ERC2: variants seen among roughly 807,000 people sequenced by gnomAD.
The protein encoded by ERC2 is ELKS/RAB6-interacting/CAST family member 2.
In ERC2, 42 loss-of-function variants were observed where a neutral mutation model predicts 114.8. The observed-to-expected ratio is 0.37, with a 90% CI of 0.29 to 0.47. The LOEUF (loss-of-function observed/expected upper bound fraction) is 0.47. Ranked by LOEUF, ERC2 falls within the 20% of genes least tolerant of loss-of-function variation. ERC2 has a pLI of 0.99. For missense variants in ERC2, 939 were observed against 1,150.7 expected (o/e 0.82, Z 2.66); for synonymous variants, 454 against 425.5 (o/e 1.07, Z -0.82).
At chr3:55,845,997 C>T (rs1409963091) in intron 14 of ERC2, among the ~76,000 whole-genome samples, 1 of 152,196 alleles carries the variant, frequency 6.6e-6, no homozygotes, top group Non-Finnish European at 1.5e-5. Context: ...TTATATCATT[C>T]TTTTTTTAAC....
chr3:56,325,568 T>TA, intron 2 of ERC2, among the ~76,000 whole-genome samples: 1 of 152,264 alleles, frequency 6.6e-6, no homozygotes, highest in Non-Finnish European at 1.5e-5. Flanking sequence ...CTATACATTG[T>TA]AAATGTATCA....
intron 12 of ERC2, among the ~76,000 whole-genome samples, chr3:55,974,441 C>G (rs929817180): frequency 1.3e-5 from 2 of 152,214 alleles, no homozygotes; most frequent in Non-Finnish European, 2.9e-5. Context: ...TATATCAAAA[C>G]AAAGGCCTTC....
intron 16 of ERC2, among the ~76,000 whole-genome samples, chr3:55,693,044 C>G (rs528553931): frequency 6.6e-6 from 1 of 152,170 alleles, no homozygotes; most frequent in Non-Finnish European, 1.5e-5. Flanking sequence ...TCCAATGGTA[C>G]AAACACGCAC....
chr3:56,348,624 T>C (rs890555367), intron 2 of ERC2, among the ~76,000 whole-genome samples: 1 of 151,500 alleles, frequency 6.6e-6, no homozygotes, highest in African/African-American at 2.4e-5. Context: ...ACATTGGTTA[T>C]ATTTTATTGA....
intron 6 of ERC2, among the ~76,000 whole-genome samples, chr3:56,092,139 T>C (rs943135948): frequency 6.6e-6 from 1 of 152,188 alleles, no homozygotes; most frequent in Non-Finnish European, 1.5e-5. Context: ...TATAACCACA[T>C]ATATCATTTA....
chr3:55,595,503 A>G (rs775534264), intron 17 of ERC2, among the ~76,000 whole-genome samples: 2 of 152,206 alleles, frequency 1.3e-5, no homozygotes, highest in African/African-American at 2.4e-5. Flanking sequence ...TTTTCCAAAA[A>G]TCTTTGGCTG....
chr3:56,154,054 G>A (rs2081567630), intron 4 of ERC2, among the ~76,000 whole-genome samples: 2 of 152,082 alleles, frequency 1.3e-5, no homozygotes, highest in African/African-American at 2.4e-5. Flanking sequence ...TACCACAGAG[G>A]CTCTTAACAG....
chr3:55,541,496 G>A (rs2054392292), intron 17 of ERC2, among the ~76,000 whole-genome samples: 1 of 152,200 alleles, frequency 6.6e-6, no homozygotes, highest in Non-Finnish European at 1.5e-5. Flanking sequence ...AAAGCCATTG[G>A]CTTTCCATTG....
At chr3:56,316,404 T>C (rs1337032051) in intron 2 of ERC2, among the ~76,000 whole-genome samples, 1 of 152,194 alleles carries the variant, frequency 6.6e-6, no homozygotes, top group African/African-American at 2.4e-5. Context: ...ACCTTTTAAG[T>C]GGACAGAAAA....
chr3:55,824,963 A>G (rs184620145), intron 14 of ERC2, among the ~76,000 whole-genome samples: 1 of 152,316 alleles, frequency 6.6e-6, no homozygotes, highest in East Asian at 1.9e-4. Flanking sequence ...AGATAAGCCA[A>G]ATAACTCATT....
rs1011167282 is a variant in ERC2, at chr3:56,010,114, C to T, written c.1920+335G>A. Among the ~76,000 whole-genome samples, 12 of 152,086 alleles carry T rather than the reference C, an allele frequency of 7.9e-5. No individual in the cohort carries two copies. In the South Asian group the frequency reaches 1.2e-3, roughly 16 times the overall value. ...GTAGAGCTATTGTTACTATCATCATCGCTGCTGTTGTTATCTCAAGCAAGG... is the reference window on the plus strand; with the variant it reads ...GTAGAGCTATTGTTACTATCATCATTGCTGCTGTTGTTATCTCAAGCAAGG... On this transcript the variant is annotated intron_variant, in intron 9 of 17. Coordinates refer to ENST00000288221, the MANE Select transcript of ERC2 (RefSeq NM_015576.3).
At chr3:55,556,541 T>C (rs2055622262) in intron 17 of ERC2, among the ~76,000 whole-genome samples, 1 of 152,222 alleles carries the variant, frequency 6.6e-6, no homozygotes, top group Non-Finnish European at 1.5e-5. Context: ...CCTGCAGTGA[T>C]TCAATCAAAT....
At chr3:55,686,914 G>A (rs1459123636) in intron 16 of ERC2, among the ~76,000 whole-genome samples, 1 of 152,178 alleles carries the variant, frequency 6.6e-6, no homozygotes, top group African/African-American at 2.4e-5. Context: ...TTCATCTGGG[G>A]ATGGGAACAT....
At chr3:55,983,438 T>C (rs2070324641) in intron 12 of ERC2, among the ~76,000 whole-genome samples, 1 of 152,194 alleles carries the variant, frequency 6.6e-6, no homozygotes, top group South Asian at 2.1e-4. Context: ...CCTGTTTGTG[T>C]ATGAAGACAT....
At chr3:56,328,536 A>G (rs1309579740) in intron 2 of ERC2, among the ~76,000 whole-genome samples, 1 of 152,228 alleles carries the variant, frequency 6.6e-6, no homozygotes, top group African/African-American at 2.4e-5. Context: ...GGTATTTTTA[A>G]AATAGTCTGT....
intron 2 of ERC2, among the ~76,000 whole-genome samples, chr3:56,317,853 A>G (rs1224670645): frequency 6.6e-6 from 1 of 152,250 alleles, no homozygotes; most frequent in Non-Finnish European, 1.5e-5. Context: ...CATTTCATAC[A>G]GGGTAGTCAA....
At chr3:55,548,746 G>A (rs571558883) in intron 17 of ERC2, among the ~76,000 whole-genome samples, 9 of 152,250 alleles carry the variant, frequency 5.9e-5, no homozygotes, top group East Asian at 1.9e-4. Context: ...GCTTAGATGA[G>A]GGGTCCCAAA....
At chr3:55,871,771 T>C (rs533193711) in intron 14 of ERC2, among the ~76,000 whole-genome samples, 1 of 152,302 alleles carries the variant, frequency 6.6e-6, no homozygotes, top group South Asian at 2.1e-4. Context: ...GATTTCCCCA[T>C]ATAATACCAC....
At chr3:55,863,128 C>T (rs1235293637) in intron 14 of ERC2, among the ~76,000 whole-genome samples, 1 of 152,154 alleles carries the variant, frequency 6.6e-6, no homozygotes, top group Admixed American at 6.6e-5. Flanking sequence ...CTGACCCTGA[C>T]AGTTCAAACT....
Sources: gnomAD v4.1 joint callset for allele counts (sites outside exome capture counted in the v4.1 genomes callset) on GRCh38, gnomAD v4.1.1 for gene constraint, MANE v1.5 for transcripts, NCBI Gene and HGNC (gene_info 2026-07-23, HGNC 2026-07-21) for gene names.